The following AKT3 variants were observed in gnomAD, a reference collection of about 807,000 sequenced individuals.
AKT3 encodes the protein RAC-gamma serine/threonine-protein kinase.
Under a neutral mutation model 65.3 loss-of-function variants are expected in AKT3, and 15 were observed. The observed-to-expected ratio is 0.23, with a 90% CI of 0.15 to 0.35. The LOEUF is 0.35. Among genes scored for constraint, AKT3 ranks in the 10% least tolerant of loss-of-function variants. The pLI, the probability that AKT3 is intolerant of heterozygous loss-of-function variation, is 1.00. For missense variants in AKT3, 243 were observed against 576.5 expected, an observed-to-expected ratio of 0.42 and a Z score of 5.92; for synonymous variants, 206 against 183.8, an observed-to-expected ratio of 1.12 and a Z score of -0.98.
At chr1:243,768,595 T>G (rs144809273) in intron 2 of AKT3, among the ~76,000 whole-genome samples, 5 of 152,184 alleles carry the variant, frequency 3.3e-5, no homozygotes, top group African/African-American at 1.2e-4. Flanking sequence ...CCCAGCACTT[T>G]GGGAGGCAGA....
At chr1:243,506,672 T>C (rs1574499618) in intron 13 of AKT3, among the ~76,000 whole-genome samples, 1 of 152,238 alleles carries the variant, frequency 6.6e-6, no homozygotes, top group Non-Finnish European at 1.5e-5. Flanking sequence ...GATATCCTCG[T>C]ATTAGGTGAG....
intron 2 of AKT3, among the ~76,000 whole-genome samples, chr1:243,704,355 T>C (rs771753011): frequency 6.6e-6 from 1 of 152,086 alleles, no homozygotes; most frequent in African/African-American, 2.4e-5. Flanking sequence ...TAATAAATGA[T>C]ACAAGCATAG....
chr1:243,583,158 GTATATGTGTGTGTATATATATATATATA>G lies in AKT3; in HGVS notation c.697-10138_697-10111del, dbSNP rs199791774. 4.8e-3 allele frequency among the ~76,000 whole-genome samples: 383 copies of G among 79,814 alleles called. 4 individuals are homozygous for G. Among genetic ancestry groups the G allele is most frequent in the African/African-American group, 0.014 (342 of 23,954 alleles). 52.4% of individuals were successfully genotyped at this position (79,814 alleles called of 152,430 possible). A position where few individuals can be genotyped will look rare whatever the true frequency, so the allele number is the denominator to read the frequency against. On this transcript the variant is annotated intron_variant, in intron 8 of 13. Coordinates refer to ENST00000673466, the MANE Select transcript of AKT3 (RefSeq NM_005465.7). ...CCATATATATATCTCTCTCTTCCAT[GTATATGTGTGTGTATATATATATATATA>G]TATATATATACACACACACACACAC...
intron 2 of AKT3, among the ~76,000 whole-genome samples, chr1:243,715,456 G>A (rs1432219082): frequency 6.6e-6 from 1 of 151,980 alleles, no homozygotes; most frequent in Non-Finnish European, 1.5e-5. Flanking sequence ...GGCCGACTTT[G>A]GTTTCGACAT....
At chr1:243,829,253 T>C (rs1694356387) in intron 2 of AKT3, among the ~76,000 whole-genome samples, 1 of 152,204 alleles carries the variant, frequency 6.6e-6, no homozygotes, top group Admixed American at 6.5e-5. Flanking sequence ...CGATACCCTA[T>C]ATATTTACTG....
chr1:243,507,730 T>G (rs917735955), intron 13 of AKT3, among the ~76,000 whole-genome samples: 2 of 152,208 alleles, frequency 1.3e-5, no homozygotes, highest in African/African-American at 2.4e-5. Flanking sequence ...AATCCCTGCA[T>G]CCAAGGAACA....
chr1:243,546,449 G>A (rs1672683967), intron 11 of AKT3, among the ~76,000 whole-genome samples: 1 of 152,002 alleles, frequency 6.6e-6, no homozygotes, highest in African/African-American at 2.4e-5. Flanking sequence ...AAAAGAACAA[G>A]GAAAGGAAGA....
At chr1:243,590,623 C>A (rs943894209) in intron 8 of AKT3, among the ~76,000 whole-genome samples, 1 of 151,978 alleles carries the variant, frequency 6.6e-6, no homozygotes, top group Non-Finnish European at 1.5e-5. Flanking sequence ...ACAAATGAGA[C>A]TGTAGAGATA....
intron 12 of AKT3, among the ~76,000 whole-genome samples, chr1:243,539,986 G>A (rs951048410): frequency 6.6e-6 from 1 of 152,106 alleles, no homozygotes; most frequent in Non-Finnish European, 1.5e-5. Flanking sequence ...GGTCTAGGGA[G>A]AGCTTCACTA....
chr1:243,645,970 T>G lies in AKT3; in HGVS notation c.352A>C (p.Asn118His). Reference sequence around the variant, plus strand: ...TCAATTTGTGAAGTTGGACTACAATTCATTCTCTCCTCTTCTTGCCTCTGC... The same window carrying G: ...TCAATTTGTGAAGTTGGACTACAATGCATTCTCTCCTCTTCTTGCCTCTGC... ...RLQRQEEERM[N>H]CSPTSQIDNI... The change falls in exon 5 of 14, where the codon AAT becomes CAT. Residue 118 changes from asparagine to histidine, a missense_variant. Physicochemically the swap from Asn to His is moderately conservative, Grantham distance 68. Around this residue, in one of 6 missense-constraint regions of AKT3, gnomAD observed 72 missense variants for 86.0 expected, o/e 0.84. Coordinates refer to ENST00000673466, the MANE Select transcript of AKT3 (RefSeq NM_005465.7). 6.2e-7 allele frequency: 1 copy of G among 1,612,952 alleles called. No homozygotes were observed. Among genetic ancestry groups the G allele is most frequent in the Non-Finnish European group, 8.5e-7 (1 of 1,179,052 alleles).
intron 13 of AKT3, among the ~76,000 whole-genome samples, chr1:243,506,922 C>T (rs560267208): frequency 3.9e-5 from 6 of 152,288 alleles, no homozygotes; most frequent in African/African-American, 1.2e-4. Flanking sequence ...ACAGTAAAAA[C>T]GGAAGGAGCT....
chr1:243,818,930 C>T (rs1046634431), intron 2 of AKT3, among the ~76,000 whole-genome samples: 1 of 152,222 alleles, frequency 6.6e-6, no homozygotes, highest in East Asian at 1.9e-4. Context: ...GAAAGGGGAG[C>T]TCCCACCCTC....
At chr1:243,583,201 C>T (rs1370778077) in intron 8 of AKT3, among the ~76,000 whole-genome samples, 19 of 136,070 alleles carry the variant, frequency 1.4e-4, no homozygotes, top group African/African-American at 3.9e-4. Context: ...TATATACACA[C>T]ACACACACAC....
chr1:243,644,920 C>T (rs1680691444), intron 5 of AKT3, among the ~76,000 whole-genome samples: 1 of 152,078 alleles, frequency 6.6e-6, no homozygotes, highest in Non-Finnish European at 1.5e-5. Flanking sequence ...TTCAGTTCAA[C>T]AAACAAACAG....
intron 2 of AKT3, among the ~76,000 whole-genome samples, chr1:243,805,490 T>C (rs1429664767): frequency 6.6e-6 from 1 of 152,212 alleles, no homozygotes; most frequent in East Asian, 1.9e-4. Flanking sequence ...CACTGACAGA[T>C]TTTTCAAATG....
chr1:243,763,013 A>G (rs1438384593), intron 2 of AKT3, among the ~76,000 whole-genome samples: 1 of 152,046 alleles, frequency 6.6e-6, no homozygotes, highest in African/African-American at 2.4e-5. Flanking sequence ...ATTCTCCATT[A>G]AGTATTGCCT....
intron 2 of AKT3, among the ~76,000 whole-genome samples, chr1:243,771,167 T>C (rs918663772): frequency 2.0e-5 from 3 of 152,198 alleles, no homozygotes; most frequent in Non-Finnish European, 2.9e-5. Context: ...CAGTTGAAAC[T>C]ACAACCTCTT....
intron 8 of AKT3, among the ~76,000 whole-genome samples, chr1:243,585,390 C>A (rs1675718232): frequency 1.3e-5 from 2 of 151,396 alleles, no homozygotes. Context: ...AAAAAAAAAA[C>A]TACAAAATTA....
chr1:243,659,093 AAAG>A (rs1440149650), intron 4 of AKT3, among the ~76,000 whole-genome samples: 8 of 152,212 alleles, frequency 5.3e-5, no homozygotes, highest in African/African-American at 1.9e-4. Flanking sequence ...CAGCCTTAAA[AAAG>A]AAGAAAATCC....
Sources: allele counts gnomAD v4.1 joint callset (sites outside exome capture counted in the v4.1 genomes callset), GRCh38; gene constraint gnomAD v4.1.1; regional missense constraint gnomAD v4.1.1; transcripts MANE v1.5; gene names NCBI Gene and HGNC (gene_info 2026-07-23, HGNC 2026-07-21).